Variants in PEAK1 observed in about 807,000 individuals in gnomAD.
The protein encoded by PEAK1 is inactive tyrosine-protein kinase PEAK1.
In PEAK1, 54 loss-of-function variants were observed where a neutral mutation model predicts 124.7. The observed-to-expected ratio is 0.43, with a 90% CI of 0.35 to 0.54. The LOEUF (loss-of-function observed/expected upper bound fraction) is 0.54. Ranked by LOEUF, PEAK1 falls within the 20% of genes least tolerant of loss-of-function variation. The probability of loss-of-function intolerance (pLI) is 0.01; values close to 1 mark genes in which losing one functional copy is unlikely to be tolerated. For synonymous variants in PEAK1, 719 were observed against 760.0 expected, an observed-to-expected ratio of 0.95 and a Z score of 0.89; for missense variants, 2,046 against 2,134.5, an observed-to-expected ratio of 0.96 and a Z score of 0.82.
At chr15:77,175,481 A>G (rs996245585) in intron 7 of PEAK1, among the ~76,000 whole-genome samples, 1 of 151,620 alleles carries the variant, frequency 6.6e-6, no homozygotes, top group African/African-American at 2.4e-5. Context: ...ACATTTATGC[A>G]GCCAAAAGAC....
chr15:77,420,056 C>T lies in PEAK1; in HGVS notation c.-716G>A, dbSNP rs539447491. The T allele has an allele frequency of 2.0e-5, 3 of 150,438 alleles. No individual in the cohort carries two copies. The South Asian group carries it at 6.1e-4, about 30-fold the overall frequency. The allele number at this position is 150,438 out of a possible 1,614,324, so 9.3% of individuals were successfully genotyped here. On this transcript the variant is annotated 5_prime_UTR_variant, in exon 1 of 10. Coordinates refer to ENST00000682557, the MANE Select transcript of PEAK1 (RefSeq NM_001385026.1). ...CGACCACCATCACCGTCCGTCCCGT[C>T]CCCTTCCTGGTGACCACGGCCGCCG... is the stretch of plus-strand genomic sequence containing the variant.
In PEAK1 at chr15:77,263,841, C is replaced by T. The variant is rs199943653; in HGVS notation, c.-274-11315G>A. On this transcript the variant is annotated intron_variant, in intron 5 of 9. Transcript: ENST00000682557. Reference sequence around the variant, plus strand: ...TTAGACCAATATCCCTGATGAACATCGATGCAAAAATCCTCAATAAAATAC... The same window carrying T: ...TTAGACCAATATCCCTGATGAACATTGATGCAAAAATCCTCAATAAAATAC... Among the ~76,000 whole-genome samples, 278 of 152,154 alleles carry T rather than the reference C, an allele frequency of 1.8e-3. 7 individuals are homozygous for T. The East Asian group carries it at 0.044, about 24-fold the overall frequency.
chr15:77,296,652 G>GA (rs983721426), intron 2 of PEAK1, among the ~76,000 whole-genome samples: 10 of 149,874 alleles, frequency 6.7e-5, no homozygotes, highest in African/African-American at 1.7e-4. Flanking sequence ...ATGACAAATT[G>GA]AAAAAAAAGT....
At chr15:77,399,113 C>T (rs2071138753) in intron 1 of PEAK1, among the ~76,000 whole-genome samples, 1 of 151,960 alleles carries the variant, frequency 6.6e-6, no homozygotes, top group South Asian at 2.1e-4. Flanking sequence ...TGGAAGAAGA[C>T]ACTAAAAAAT....
chr15:77,311,685 C>CAAAA (rs11296386), intron 2 of PEAK1, among the ~76,000 whole-genome samples: 438 of 85,378 alleles, frequency 5.1e-3, no homozygotes, highest in Middle Eastern at 0.01. Context: ...CCAACCCCCA[C>CAAAA]AAAAAAAAAA....
intron 8 of PEAK1, among the ~76,000 whole-genome samples, chr15:77,142,410 A>C (rs1453063341): frequency 2.0e-5 from 3 of 152,236 alleles, no homozygotes; most frequent in Admixed American, 6.5e-5. Flanking sequence ...GTAGTTCCTC[A>C]AAAAGTTAAA....
intron 6 of PEAK1, among the ~76,000 whole-genome samples, chr15:77,226,540 C>T (rs1371876034): frequency 6.6e-6 from 1 of 151,884 alleles, no homozygotes; most frequent in Admixed American, 6.6e-5. Context: ...ATTTGAAAAC[C>T]GAGATGCCAT....
chr15:77,327,036 G>C (rs1287684262), intron 2 of PEAK1, among the ~76,000 whole-genome samples: 1 of 152,064 alleles, frequency 6.6e-6, no homozygotes, highest in Non-Finnish European at 1.5e-5. Context: ...CAAGGCTTTA[G>C]AATATGTAAA....
chr15:77,310,088 T>C (rs966492010), intron 2 of PEAK1, among the ~76,000 whole-genome samples: 33 of 152,144 alleles, frequency 2.2e-4, no homozygotes, highest in Admixed American at 1.7e-3. Context: ...ATCTCTTATG[T>C]ATGGGTGGTA....
chr15:77,236,070 C>G (rs187240338), intron 6 of PEAK1, among the ~76,000 whole-genome samples: 3 of 152,208 alleles, frequency 2.0e-5, no homozygotes. Flanking sequence ...TCATGAAGAA[C>G]CTCTGCTAGG....
At chr15:77,311,671 C>T (rs547726538) in intron 2 of PEAK1, among the ~76,000 whole-genome samples, 48 of 132,102 alleles carry the variant, frequency 3.6e-4, no homozygotes, top group African/African-American at 1.4e-3. Flanking sequence ...AGATTCCAAC[C>T]CCCCCAACCC....
chr15:77,375,715 G>T (rs1028304615), intron 1 of PEAK1, among the ~76,000 whole-genome samples: 41 of 152,250 alleles, frequency 2.7e-4, no homozygotes, highest in African/African-American at 9.6e-4. Flanking sequence ...GTAATAATAG[G>T]CCAGGCGCGG....
chr15:77,162,628 A>C (rs983161488), intron 7 of PEAK1, among the ~76,000 whole-genome samples: 3 of 151,922 alleles, frequency 2.0e-5, no homozygotes, highest in Non-Finnish European at 4.4e-5. Flanking sequence ...TTTTACCACC[A>C]ACATTTCATT....
intron 2 of PEAK1, chr15:77,348,488 C>T: frequency 8.3e-6 from 8 of 960,314 alleles, no homozygotes; most frequent in Non-Finnish European, 9.9e-6. Context: ...ACAATGTAAA[C>T]AATACTCAAG....
chr15:77,358,243 C>T (rs1311580114), intron 2 of PEAK1, among the ~76,000 whole-genome samples: 1 of 151,958 alleles, frequency 6.6e-6, no homozygotes, highest in South Asian at 2.1e-4. Flanking sequence ...ATGTTCAAGC[C>T]TCTCCTATAT....
intron 1 of PEAK1, chr15:77,371,072 A>G (rs2068608884): frequency 1.8e-5 from 17 of 934,814 alleles, no homozygotes; most frequent in African/African-American, 7.1e-5. Context: ...AATCCAACAC[A>G]TCTACAAAAT....
intron 6 of PEAK1, among the ~76,000 whole-genome samples, chr15:77,220,809 C>T (rs779873417): frequency 5.9e-5 from 9 of 151,824 alleles, no homozygotes; most frequent in Non-Finnish European, 8.8e-5. Context: ...GTCTCATAGA[C>T]AGTATAGCGA....
At chr15:77,322,160 C>A (rs941926552) in intron 2 of PEAK1, among the ~76,000 whole-genome samples, 2 of 151,882 alleles carry the variant, frequency 1.3e-5, no homozygotes, top group Non-Finnish European at 2.9e-5. Flanking sequence ...GGCATTAATG[C>A]CCACAAGAGA....
chr15:77,338,407 G>T (rs751076861), intron 2 of PEAK1, among the ~76,000 whole-genome samples: 11 of 152,076 alleles, frequency 7.2e-5, no homozygotes, highest in Non-Finnish European at 1.3e-4. Context: ...TATAAATTGT[G>T]CTCTCAGAAA....
Sources: allele counts gnomAD v4.1 joint callset (sites outside exome capture counted in the v4.1 genomes callset), GRCh38; gene constraint gnomAD v4.1.1; transcripts MANE v1.5; gene names NCBI Gene and HGNC (gene_info 2026-07-23, HGNC 2026-07-21).